ARB2A: variants seen among roughly 807,000 people sequenced by gnomAD.
ARB2A encodes the protein cotranscriptional regulator ARB2A.
At chr5:94,058,965 C>T in the ARB2A span, among the ~76,000 whole-genome samples, 2 of 151,994 alleles carry the variant, frequency 1.3e-5, no homozygotes, top group South Asian at 4.1e-4. Context: ...TCGCTCCCTC[C>T]CTCTCACCAT....
At chr5:93,913,033 T>C in the ARB2A span, among the ~76,000 whole-genome samples, 1 of 151,914 alleles carries the variant, frequency 6.6e-6, no homozygotes, top group African/African-American at 2.4e-5. Context: ...GCTTTTAGGT[T>C]ATTCTTTTCA....
the ARB2A span, among the ~76,000 whole-genome samples, chr5:94,047,774 GAC>G: frequency 3.2e-3 from 485 of 152,278 alleles, 6 homozygotes; most frequent in African/African-American, 0.011. Context: ...TACCTAAAAA[GAC>G]ACATAGCTGG....
the ARB2A span, among the ~76,000 whole-genome samples, chr5:93,720,759 A>G: frequency 6.6e-6 from 1 of 152,194 alleles, no homozygotes; most frequent in African/African-American, 2.4e-5. Context: ...TATACCCATG[A>G]GACTTTATTT....
At chr5:93,699,828 C>T in the ARB2A span, among the ~76,000 whole-genome samples, 1 of 151,336 alleles carries the variant, frequency 6.6e-6, no homozygotes, top group African/African-American at 2.4e-5. Flanking sequence ...CACTAGTATA[C>T]TAGATGAAAA....
chr5:93,699,713 G>A, the ARB2A span, among the ~76,000 whole-genome samples: 1 of 151,892 alleles, frequency 6.6e-6, no homozygotes, highest in Non-Finnish European at 1.5e-5. Flanking sequence ...TTTCTGCTGC[G>A]ACTGCCAGTA....
chr5:93,742,478 C>A, the ARB2A span, among the ~76,000 whole-genome samples: 45 of 152,294 alleles, frequency 3.0e-4, no homozygotes, highest in Non-Finnish European at 5.6e-4. Context: ...CTCCATCATG[C>A]CCCTAGCTCA....
chr5:94,088,544 AT>A, the ARB2A span, among the ~76,000 whole-genome samples: 1 of 152,030 alleles, frequency 6.6e-6, no homozygotes, highest in African/African-American at 2.4e-5. Flanking sequence ...AGCCAGATGC[AT>A]TGGCATGTGC....
At chr5:93,969,283 A>T in the ARB2A span, among the ~76,000 whole-genome samples, 13 of 152,070 alleles carry the variant, frequency 8.5e-5, no homozygotes, top group Non-Finnish European at 1.5e-4. Context: ...ATAAGCGACA[A>T]GACAGGAGAA....
chr5:93,620,980 G>C, the ARB2A span: 1 of 1,601,500 alleles, frequency 6.2e-7, no homozygotes, highest in South Asian at 1.1e-5. Flanking sequence ...CGTCGCGCTC[G>C]CTCCTCTTAC....
chr5:93,740,916 GCTTGCCCGT>G, the ARB2A span: 3 of 1,613,966 alleles, frequency 1.9e-6, no homozygotes, highest in Non-Finnish European at 2.5e-6. Context: ...GTCGCTCTCT[GCTTGCCCGT>G]CTCCACTTCC....
At chr5:93,984,606 A>C in the ARB2A span, among the ~76,000 whole-genome samples, 9 of 151,984 alleles carry the variant, frequency 5.9e-5, no homozygotes, top group African/African-American at 2.2e-4. Context: ...ATCAAATACT[A>C]CCCTCCAAAC....
the ARB2A span, among the ~76,000 whole-genome samples, chr5:93,634,290 C>T: frequency 1.3e-5 from 2 of 151,656 alleles, no homozygotes; most frequent in Non-Finnish European, 1.5e-5. Context: ...GTCCCAGCTA[C>T]TTGGGAGGCT....
At chr5:93,661,510 G>A in the ARB2A span, among the ~76,000 whole-genome samples, 3 of 152,004 alleles carry the variant, frequency 2.0e-5, no homozygotes, top group Admixed American at 2.0e-4. Context: ...AACCAGGAAG[G>A]GACACAAAAC....
the ARB2A span, among the ~76,000 whole-genome samples, chr5:93,851,442 G>A: frequency 6.6e-6 from 1 of 152,008 alleles, no homozygotes; most frequent in Non-Finnish European, 1.5e-5. Flanking sequence ...AACATTGCAT[G>A]TATTTTTACT....
the ARB2A span, among the ~76,000 whole-genome samples, chr5:93,909,510 C>T: frequency 6.6e-6 from 1 of 150,864 alleles, no homozygotes; most frequent in Admixed American, 6.6e-5. Flanking sequence ...TAAAATCAAG[C>T]TCTCATGCTC....
At chr5:93,627,669 T>G in the ARB2A span, among the ~76,000 whole-genome samples, 1 of 152,140 alleles carries the variant, frequency 6.6e-6, no homozygotes, top group African/African-American at 2.4e-5. Flanking sequence ...CTTGAACTCC[T>G]GACCTCGTGA....
At chr5:93,660,853 AACATG>A in the ARB2A span, among the ~76,000 whole-genome samples, 1 of 152,214 alleles carries the variant, frequency 6.6e-6, no homozygotes, top group South Asian at 2.1e-4. Flanking sequence ...AAACCAATAA[AACATG>A]ACGACTGCCT....
At chr5:94,101,408 C>G in the ARB2A span, among the ~76,000 whole-genome samples, 1 of 152,120 alleles carries the variant, frequency 6.6e-6, no homozygotes, top group African/African-American at 2.4e-5. Flanking sequence ...GAACTAAAAG[C>G]AGGGCTACCA....
chr5:93,756,139 A>G, the ARB2A span, among the ~76,000 whole-genome samples: 1 of 152,126 alleles, frequency 6.6e-6, no homozygotes, highest in Non-Finnish European at 1.5e-5. Flanking sequence ...ATGACTCTGC[A>G]GAGGCAGCCA....
Sources: allele counts gnomAD v4.1 joint callset (sites outside exome capture counted in the v4.1 genomes callset), GRCh38; gene constraint gnomAD v4.1.1; transcripts MANE v1.5; gene names NCBI Gene and HGNC (gene_info 2026-07-23, HGNC 2026-07-21).